TSPAN12: variants seen among roughly 807,000 people sequenced by gnomAD.
TSPAN12 encodes the protein tetraspanin-12.
Under a neutral mutation model 39.2 loss-of-function variants are expected in TSPAN12, and 19 were observed. The observed-to-expected ratio is 0.49, with a 90% confidence interval of 0.34 to 0.71. The LOEUF (loss-of-function observed/expected upper bound fraction) is 0.71. TSPAN12 is among the 30% of genes least tolerant of loss of function. TSPAN12 has a pLI of 0.01. For synonymous variants in TSPAN12, 119 were observed against 124.8 expected, an observed-to-expected ratio of 0.95 and a Z score of 0.31; for missense variants, 314 against 359.9, an observed-to-expected ratio of 0.87 and a Z score of 1.03.
At chr7:120,799,930 TA>T in intron 7 of TSPAN12, among the ~76,000 whole-genome samples, 1 of 145,472 alleles carries the variant, frequency 6.9e-6, no homozygotes, top group Non-Finnish European at 1.5e-5. Context: ...ATATTTATTA[TA>T]ATAGAATGTT....
intron 2 of TSPAN12, among the ~76,000 whole-genome samples, chr7:120,855,110 G>A (rs1474345878): frequency 1.3e-5 from 2 of 152,094 alleles, no homozygotes; most frequent in Non-Finnish European, 2.9e-5. Context: ...CCCACACAAT[G>A]TAAAGTATTA....
At chr7:120,853,503 T>C (rs148362641) in intron 2 of TSPAN12, among the ~76,000 whole-genome samples, 2 of 143,764 alleles carry the variant, frequency 1.4e-5, no homozygotes, top group African/African-American at 2.6e-5. Context: ...TACACACACA[T>C]ATTTATATTT....
At position 120,849,409 on chromosome 7, in the gene TSPAN12, T is replaced by C. The variant is rs181116334; in HGVS notation, c.66+7289A>G. ...CGCATTTCCTAAGTGTATTATGAAA[T>C]GTGTACCTATAATTTCCATAAAATA... On this transcript the variant is annotated intron_variant, in intron 2 of 7. Transcript: ENST00000222747. Among the ~76,000 whole-genome samples, 243 of 152,314 alleles carry C rather than the reference T, an allele frequency of 1.6e-3. 1 individual carries two copies. Among genetic ancestry groups the C allele is most frequent in the African/African-American group, 5.3e-3 (222 of 41,574 alleles).
chr7:120,787,441 CT>C lies in TSPAN12; in HGVS notation c.*1150del, dbSNP rs1793430607. 2 of 152,506 alleles carry C rather than the reference CT, an allele frequency of 1.3e-5. 1 individual carries two copies. Among genetic ancestry groups the C allele is most frequent in the African/African-American group, 4.8e-5 (2 of 41,414 alleles). The allele number at this position is 152,506 out of a possible 1,614,324, so 9.4% of individuals were successfully genotyped here. A position where few individuals can be genotyped will look rare whatever the true frequency, so the allele number is the denominator to read the frequency against. On this transcript the variant is annotated 3_prime_UTR_variant, in exon 8 of 8. Coordinates refer to ENST00000222747, the MANE Select transcript of TSPAN12 (RefSeq NM_012338.4). ...CCATTTCAAATAAATATACTATACTCTTGTAAAAAAATTTAATAATCTGTGT... is the reference window on the plus strand; with the variant it reads ...CCATTTCAAATAAATATACTATACTCTGTAAAAAAATTTAATAATCTGTGT...
intron 6 of TSPAN12, 37 bp downstream of exon 6, chr7:120,810,426 A>G (rs369534829): frequency 4.7e-6 from 6 of 1,284,670 alleles, no homozygotes; most frequent in Non-Finnish European, 6.8e-6. Flanking sequence ...TGCACCACTT[A>G]CTTCACTCTC....
chr7:120,801,586 C>G lies in TSPAN12; in HGVS notation c.612+4963G>C, dbSNP rs144026984. Among the ~76,000 whole-genome samples, 14 of 152,314 alleles carry G rather than the reference C, an allele frequency of 9.2e-5. No individual in the cohort carries two copies. In the East Asian group the frequency reaches 2.7e-3, roughly 29 times the overall value. On this transcript the variant is annotated intron_variant, in intron 7 of 7. Transcript: ENST00000222747. ...ATTTGAACAGTAGTCTTTCTTCTAA[C>G]TACTAGACAAAGAAATGTGTCTCTG...
intron 2 of TSPAN12, among the ~76,000 whole-genome samples, chr7:120,846,051 A>G (rs1794662751): frequency 6.6e-6 from 1 of 152,218 alleles, no homozygotes; most frequent in Non-Finnish European, 1.5e-5. Context: ...GAAACTTTCA[A>G]ACATGGTGGA....
intron 2 of TSPAN12, among the ~76,000 whole-genome samples, chr7:120,853,419 T>C (rs955107083): frequency 6.7e-6 from 1 of 149,444 alleles, no homozygotes; most frequent in African/African-American, 2.5e-5. Flanking sequence ...TTGGATAAAA[T>C]AATCTTAAAG....
At chr7:120,812,217 CA>C (rs1339061250) in intron 5 of TSPAN12, among the ~76,000 whole-genome samples, 1 of 152,058 alleles carries the variant, frequency 6.6e-6, no homozygotes, top group East Asian at 1.9e-4. Context: ...CAATACAATA[CA>C]ACAGTCATTA....
chr7:120,810,624 TCACACACACACA>T (rs112555207), intron 5 of TSPAN12, 54 bp from the exon 6 acceptor site: 60 of 716,312 alleles, frequency 8.4e-5, no homozygotes, highest in South Asian at 1.2e-4. Context: ...AGACACAGAT[TCACACACACACA>T]CACACACACA....
chr7:120,852,562 C>T (rs571144848), intron 2 of TSPAN12, among the ~76,000 whole-genome samples: 4 of 152,190 alleles, frequency 2.6e-5, no homozygotes, highest in Admixed American at 6.5e-5. Flanking sequence ...TCAGATAGAA[C>T]GCACAACATA....
At chr7:120,814,739 G>A (rs955858478) in intron 5 of TSPAN12, among the ~76,000 whole-genome samples, 4 of 152,148 alleles carry the variant, frequency 2.6e-5, no homozygotes, top group African/African-American at 7.2e-5. Context: ...TGTTATGCTC[G>A]TTTATGCTAG....
At chr7:120,803,360 A>G (rs1793810754) in intron 7 of TSPAN12, among the ~76,000 whole-genome samples, 1 of 152,038 alleles carries the variant, frequency 6.6e-6, no homozygotes, top group Admixed American at 6.6e-5. Flanking sequence ...CATCCCAAAT[A>G]CCTCCAGCTG....
intron 4 of TSPAN12, among the ~76,000 whole-genome samples, chr7:120,820,565 G>T (rs1467666265): frequency 1.3e-5 from 2 of 151,938 alleles, no homozygotes; most frequent in African/African-American, 2.4e-5. Flanking sequence ...CCCTCTGTGT[G>T]TCGGGGTTTC....
rs1562938266 is a variant in TSPAN12, at chr7:120,799,569, T to TA, written c.612+6979_612+6980insT. 1.1e-3 allele frequency among the ~76,000 whole-genome samples: 121 copies of TA among 108,722 alleles called. 2 individuals carry two copies. Among genetic ancestry groups the TA allele is most frequent in the African/African-American group, 3.4e-3 (91 of 26,836 alleles). The allele number at this position is 108,722 out of a possible 152,430, so 71.3% of individuals were successfully genotyped here. A position where few individuals can be genotyped will look rare whatever the true frequency, so the allele number is the denominator to read the frequency against. ...TTATATATATAATTAAATATAATTATTTATATAATTATATGTAATAATATA... is the reference window on the plus strand; with the variant it reads ...TTATATATATAATTAAATATAATTATATTATATAATTATATGTAATAATATA... On this transcript the variant is annotated intron_variant, in intron 7 of 7. Transcript: ENST00000222747.
intron 2 of TSPAN12, among the ~76,000 whole-genome samples, chr7:120,840,896 T>C (rs1449339113): frequency 1.3e-5 from 2 of 152,238 alleles, no homozygotes; most frequent in Admixed American, 1.3e-4. Flanking sequence ...AAAAAGATCC[T>C]CAATGGCTGC....
intron 7 of TSPAN12, among the ~76,000 whole-genome samples, chr7:120,789,906 C>A (rs1793487786): frequency 6.6e-6 from 1 of 151,954 alleles, no homozygotes; most frequent in East Asian, 1.9e-4. Context: ...AGTAAAGAAA[C>A]AGGTAATATG....
At chr7:120,798,140 G>A (rs1006149957) in intron 7 of TSPAN12, among the ~76,000 whole-genome samples, 6 of 152,126 alleles carry the variant, frequency 3.9e-5, no homozygotes, top group African/African-American at 9.7e-5. Flanking sequence ...GAATGATGTC[G>A]AGAAACAGAG....
rs1409879386 is a variant in TSPAN12, at chr7:120,806,578, G to T, written c.583C>A (p.Gln195Lys). ...EFPGCSKQAHQEDLSDLYQEG... is the reference protein window; with the variant it reads ...EFPGCSKQAHKEDLSDLYQEG... ...TGATAAAGGTCACTGAGATCTTCCT[G>T]GTGGGCCTGTTTGGAACATCCTGGG... The change falls in exon 7 of 8, where the codon CAG becomes AAG. Residue 195 changes from glutamine to lysine, a missense_variant. Transcript: ENST00000222747. The T allele has an allele frequency of 6.2e-7, 1 of 1,613,406 alleles. No individual in the cohort carries two copies. Among genetic ancestry groups the T allele is most frequent in the Non-Finnish European group, 8.5e-7 (1 of 1,179,544 alleles).
Sources: gnomAD v4.1 joint callset for allele counts (sites outside exome capture counted in the v4.1 genomes callset) on GRCh38, gnomAD v4.1.1 for gene constraint, MANE v1.5 for transcripts, NCBI Gene and HGNC (gene_info 2026-07-23, HGNC 2026-07-21) for gene names.